DOP1B: variants seen among roughly 807,000 people sequenced by gnomAD.
DOP1B encodes DOP1 leucine zipper like protein B, also known as protein DOP1B.
DOP1B carries 174 observed loss-of-function variants against 233.5 expected under a neutral mutation model. The observed-to-expected ratio is 0.75, with a 90% confidence interval of 0.66 to 0.85. The LOEUF (loss-of-function observed/expected upper bound fraction) is 0.85. Ranked by LOEUF, DOP1B falls within the 40% of genes least tolerant of loss-of-function variation. The probability of loss-of-function intolerance (pLI) is 0.00; values close to 1 mark genes in which losing one functional copy is unlikely to be tolerated. For missense variants in DOP1B, 2,652 were observed against 2,846.6 expected (o/e 0.93, Z 1.56); for synonymous variants, 1,190 against 1,185.6 (o/e 1.00, Z -0.08).
Position 36,245,179 on chromosome 21 carries a change from A to C in DOP1B, c.3199A>C (p.Ile1067Leu). The change falls in exon 19 of 37, where the codon ATT becomes CTT. Residue 1067 changes from isoleucine (I) to leucine (L), a missense_variant. By Grantham distance (5) the Ile-to-Leu change is conservative. Transcript: ENST00000691173. This position sits in a 1 kb window ranked among gnomAD's most constrained non-coding sequence, Gnocchi z 5.5. ...SQFTTVDREA[I>L]WAEVEKEPEK... The stretch of plus-strand genomic sequence containing the variant: ...GTTCACCACAGTGGACCGTGAAGCC[A>C]TTTGGGCCGAAGTGGAGAAGGAGCC... 6.2e-7 allele frequency: 1 copy of C among 1,614,030 alleles called. No homozygotes were observed. The highest frequency in any genetic ancestry group is 8.5e-7 in the Non-Finnish European group (1 of 1,180,022).
intron 4 of DOP1B, among the ~76,000 whole-genome samples, chr21:36,200,974 T>TGA (rs2066358300): frequency 6.6e-6 from 1 of 152,148 alleles, no homozygotes; most frequent in South Asian, 2.1e-4. Context: ...CTCTTGTCTC[T>TGA]TTACCAAAGG....
intron 27 of DOP1B, among the ~76,000 whole-genome samples, chr21:36,274,354 G>A (rs927159508): frequency 2.6e-5 from 4 of 152,194 alleles, no homozygotes; most frequent in African/African-American, 9.6e-5. Context: ...TGGATCGGAT[G>A]TAGTTATTTT....
At chr21:36,228,802 A>G (rs1389991600) in intron 13 of DOP1B, among the ~76,000 whole-genome samples, 3 of 144,436 alleles carry the variant, frequency 2.1e-5, no homozygotes, top group Non-Finnish European at 4.5e-5. Flanking sequence ...ATAAAATAAA[A>G]TAAAATAAAA....
rs141780100 is a variant in DOP1B at position 36,263,675 on chromosome 21, G to T, written c.5420+25G>T. 6,149 of 1,612,930 alleles carry T rather than the reference G, an allele frequency of 3.8e-3. 16 individuals carry two copies. Among genetic ancestry groups the T allele is most frequent in the Non-Finnish European group, 4.8e-3 (5,631 of 1,179,078 alleles). On this transcript the variant is annotated intron_variant, in intron 25 of 36. Coordinates refer to ENST00000691173, the MANE Select transcript of DOP1B (RefSeq NM_001320714.2). ...GGTATCATGTCACCACATTGTCATT[G>T]TGTAATATTTTCTCTTGGCACATAT...
At chr21:36,175,111 T>G (rs34777154) in intron 2 of DOP1B, among the ~76,000 whole-genome samples, 9 of 126,124 alleles carry the variant, frequency 7.1e-5, no homozygotes, top group Non-Finnish European at 1.1e-4. Flanking sequence ...TTTCTTCTTC[T>G]TCTTCTTTTT....
intron 4 of DOP1B, 106 bp from the exon 5 acceptor site, chr21:36,208,609 C>G: frequency 1.6e-6 from 2 of 1,243,388 alleles, no homozygotes; most frequent in Non-Finnish European, 2.2e-6. Context: ...GCTTCCCCAG[C>G]CAGGCGAATC....
chr21:36,276,665 A>G (rs1354745082), intron 27 of DOP1B, among the ~76,000 whole-genome samples: 1 of 151,882 alleles, frequency 6.6e-6, no homozygotes, highest in East Asian at 1.9e-4. Context: ...ACATGGCAAA[A>G]CCCCGTCTCT....
chr21:36,232,987 C>T lies in DOP1B; in HGVS notation c.2534C>T (p.Pro845Leu). The change falls in exon 15 of 37, where the codon CCT becomes CTT. Residue 845 changes from proline to leucine, a missense_variant. Coordinates refer to ENST00000691173, the MANE Select transcript of DOP1B (RefSeq NM_001320714.2). ...CGCTATAAGAGCTCTGGACACAACCCTTTTTTTGGCAAGCTGCAGATGGTG... is the reference window on the plus strand; with the variant it reads ...CGCTATAAGAGCTCTGGACACAACCTTTTTTTTGGCAAGCTGCAGATGGTG... Reference protein sequence around the residue: ...MKRYKSSGHNPFFGKLQMVTV... With the variant: ...MKRYKSSGHNLFFGKLQMVTV... 6.2e-7 allele frequency: 1 copy of T among 1,614,014 alleles called. No homozygotes were observed. Among genetic ancestry groups the T allele is most frequent in the Non-Finnish European group, 8.5e-7 (1 of 1,180,002 alleles).
intron 18 of DOP1B, among the ~76,000 whole-genome samples, chr21:36,241,594 C>T (rs1209570296): frequency 1.0e-4 from 15 of 147,278 alleles, no homozygotes; most frequent in Non-Finnish European, 1.8e-4. Flanking sequence ...CTGCAACCTC[C>T]GCCTCCCGGG....
chr21:36,164,865 C>G lies in DOP1B; in HGVS notation c.132C>G (p.Leu44=). The change falls in exon 2 of 37, where the codon CTC becomes CTG. Residue 44 remains leucine, a synonymous_variant. Transcript: ENST00000691173. ...ATCTCATATCTTCACTTGGCAAACT[C>G]AACAAGGTATGTAGGGTGTATCCTA... The part of the protein sequence containing the change: ...WADLISSLGK[L]NKALQSNLRY... 1.9e-6 allele frequency: 3 copies of G among 1,609,920 alleles called. No homozygotes were observed. The highest frequency in any genetic ancestry group is 2.5e-6 in the Non-Finnish European group (3 of 1,178,262).
Position 36,219,508 on chromosome 21 carries a change from T to C in DOP1B, c.1250+16T>C, listed in dbSNP as rs1420565075. The C allele has an allele frequency of 1.2e-6, 2 of 1,612,714 alleles. No homozygotes were observed. Among genetic ancestry groups the C allele is most frequent in the African/African-American group, 2.7e-5 (2 of 74,874 alleles). On this transcript the variant is annotated intron_variant, in intron 10 of 36. Transcript: ENST00000691173. Reference sequence around the variant, plus strand: ...CGCTGATAAGGTATGGGTTTGGCCTTGAACCTCACGCATCTCTCTCCCTCC... The same window carrying C: ...CGCTGATAAGGTATGGGTTTGGCCTCGAACCTCACGCATCTCTCTCCCTCC...
intron 23 of DOP1B, among the ~76,000 whole-genome samples, chr21:36,254,292 G>T (rs557878463): frequency 6.6e-6 from 1 of 152,284 alleles, no homozygotes; most frequent in South Asian, 2.1e-4. Context: ...CCAGACTCTA[G>T]TGAAAGATGG....
chr21:36,182,315 G>A (rs529888658), intron 2 of DOP1B, among the ~76,000 whole-genome samples: 1 of 152,236 alleles, frequency 6.6e-6, no homozygotes, highest in East Asian at 1.9e-4. Context: ...AGGTGGTGAT[G>A]CGCTGCAGGG....
At chr21:36,175,099 G>A (rs1242473757) in intron 2 of DOP1B, among the ~76,000 whole-genome samples, 3 of 149,052 alleles carry the variant, frequency 2.0e-5, no homozygotes, top group Non-Finnish European at 4.5e-5. Flanking sequence ...TCTGTATCCA[G>A]ATTTCTTCTT....
chr21:36,274,989 T>C (rs12233326), intron 27 of DOP1B, among the ~76,000 whole-genome samples: 62,565 of 151,420 alleles, frequency 0.41, 12,984 homozygotes, highest in Middle Eastern at 0.51. Context: ...GGATTACAGG[T>C]GCACGCCACC....
chr21:36,157,617 C>T (rs560062478), intron 1 of DOP1B, among the ~76,000 whole-genome samples: 4 of 152,264 alleles, frequency 2.6e-5, no homozygotes, highest in South Asian at 2.1e-4. Flanking sequence ...GAAGACCGTC[C>T]CCCCGGCCCC....
chr21:36,163,170 C>A (rs2065882522), intron 1 of DOP1B, among the ~76,000 whole-genome samples: 1 of 151,764 alleles, frequency 6.6e-6, no homozygotes, highest in Non-Finnish European at 1.5e-5. Context: ...CACGTGAAAC[C>A]CCGTCTCTAC....
Position 36,280,315 on chromosome 21 carries a change from T to C in DOP1B, c.6000T>C (p.Thr2000=), listed in dbSNP as rs1458772653. The C allele has an allele frequency of 6.2e-7, 1 of 1,610,266 alleles. No individual in the cohort carries two copies. The highest frequency in any genetic ancestry group is 8.5e-7 in the Non-Finnish European group (1 of 1,177,900). ...AGTCCATTATTGACCATCTTTTGAC[T>C]CATGAGAAAACAATGTTTAAGGATT... ...HWKSIIDHLL[T]HEKTMFKDLM... The change falls in exon 31 of 37, where the codon ACT becomes ACC. Residue 2000 remains threonine (T), a synonymous_variant. Transcript: ENST00000691173.
At chr21:36,272,191 G>A (rs888689479) in intron 27 of DOP1B, among the ~76,000 whole-genome samples, 3 of 151,928 alleles carry the variant, frequency 2.0e-5, no homozygotes, top group East Asian at 1.9e-4. Context: ...TTACTTCTAC[G>A]AAAATTGTTA....
Sources: gnomAD v4.1 joint callset for allele counts (sites outside exome capture counted in the v4.1 genomes callset) on GRCh38, gnomAD v4.1.1 for gene constraint, Gnocchi (gnomAD v3.1) non-coding constraint, MANE v1.5 for transcripts, NCBI Gene and HGNC (gene_info 2026-07-23, HGNC 2026-07-21) for gene names.